The following NELL2 variants were observed in gnomAD, a reference collection of about 807,000 sequenced individuals.
NELL2 encodes neural EGFL like 2, also known as protein kinase C-binding protein NELL2.
In NELL2, 41 loss-of-function variants were observed where a neutral mutation model predicts 109.6. The observed-to-expected ratio is 0.37, with a 90% CI of 0.29 to 0.49. NELL2 has a LOEUF of 0.49. NELL2 is among the 20% of genes least tolerant of loss of function. The pLI is 0.98. For missense variants in NELL2, 900 were observed against 1,008.3 expected (o/e 0.89, Z 1.45); for synonymous variants, 355 against 344.7 (o/e 1.03, Z -0.33).
intron 13 of NELL2, among the ~76,000 whole-genome samples, chr12:44,648,731 A>ATATTTT (rs1438490674): frequency 1.1e-5 from 1 of 89,700 alleles, no homozygotes; most frequent in Non-Finnish European, 2.0e-5. Flanking sequence ...ATATATATAT[A>ATATTTT]TTTTTTTTTT....
chr12:44,620,681 C>T (rs1017279878), intron 13 of NELL2, among the ~76,000 whole-genome samples: 5 of 152,226 alleles, frequency 3.3e-5, no homozygotes, highest in Middle Eastern at 3.4e-3. Context: ...TCCTCCCTCC[C>T]TTCTTCTCAC....
At chr12:44,811,637 C>A (rs1943183756) in intron 3 of NELL2, among the ~76,000 whole-genome samples, 1 of 152,054 alleles carries the variant, frequency 6.6e-6, no homozygotes. Flanking sequence ...ACCATTCCCA[C>A]AGTCTCCATC....
rs561534820 is a variant in NELL2 at position 44,618,550 on chromosome 12, G to A, written c.1445-7580C>T. ...GTGTTTCATCAAATAAGCTTTGTCCGAACTCATTATAGGGCAATAAAAATC... is the reference window on the plus strand; with the variant it reads ...GTGTTTCATCAAATAAGCTTTGTCCAAACTCATTATAGGGCAATAAAAATC... On this transcript the variant is annotated intron_variant, in intron 13 of 19. Transcript: ENST00000429094. Among the ~76,000 whole-genome samples, 25 of 152,152 alleles carry A rather than the reference G, an allele frequency of 1.6e-4. No homozygotes were observed. The East Asian group carries it at 2.3e-3, about 14-fold the overall frequency.
Position 44,656,534 on chromosome 12 carries a change from A to T in NELL2, c.1444+8950T>A, listed in dbSNP as rs148111687. On this transcript the variant is annotated intron_variant, in intron 13 of 19. Transcript: ENST00000429094. ...TAACCATAAGAGTCACAATAAAAAC[A>T]GCTAGTGTTCATTAAACATTTCTTT... Among the ~76,000 whole-genome samples the T allele has an allele frequency of 3.9e-5, 6 of 152,368 alleles. No homozygotes were observed. The East Asian group carries it at 9.6e-4, about 24-fold the overall frequency.
chr12:44,596,962 C>T lies in NELL2; in HGVS notation c.1663+10207G>A, dbSNP rs577330768. On this transcript the variant is annotated intron_variant, in intron 15 of 19. Coordinates refer to ENST00000429094, the MANE Select transcript of NELL2 (RefSeq NM_001145108.2). ...TTGAAGCAGCTACTGTTCCAAACAA[C>T]TATAGCAAGAAGAATTTTAGATAAT... Among the ~76,000 whole-genome samples the T allele has an allele frequency of 5.3e-5, 8 of 152,288 alleles. No homozygotes were observed. The South Asian group carries it at 1.7e-3, about 32-fold the overall frequency.
chr12:44,719,471 T>C (rs965405917), intron 9 of NELL2, among the ~76,000 whole-genome samples: 2 of 152,164 alleles, frequency 1.3e-5, no homozygotes, highest in Admixed American at 6.5e-5. Context: ...TCACTACATA[T>C]CTAGCTTTTT....
intron 3 of NELL2, among the ~76,000 whole-genome samples, chr12:44,786,807 A>G (rs1462806876): frequency 6.6e-6 from 1 of 152,196 alleles, no homozygotes; most frequent in Non-Finnish European, 1.5e-5. Context: ...TGTCTCACTC[A>G]TAAGTGGGAG....
At chr12:44,741,052 T>C (rs1939931090) in intron 9 of NELL2, among the ~76,000 whole-genome samples, 2 of 152,154 alleles carry the variant, frequency 1.3e-5, no homozygotes, top group South Asian at 2.1e-4. Context: ...GGTCCCCTTA[T>C]TCATGGATTT....
rs539517723 is a variant in NELL2, at chr12:44,600,011, G to C, written c.1663+7158C>G. On this transcript the variant is annotated intron_variant, in intron 15 of 19. Transcript: ENST00000429094. Reference sequence around the variant, plus strand: ...GAGTCTCGCTCTGCCGCCCAGGCTGGAGTGCAGTGGCGCGATATCTGCTCA... The same window carrying C: ...GAGTCTCGCTCTGCCGCCCAGGCTGCAGTGCAGTGGCGCGATATCTGCTCA... Among the ~76,000 whole-genome samples the C allele has an allele frequency of 4.8e-5, 7 of 146,794 alleles. No homozygotes were observed. In the East Asian group the frequency reaches 1.4e-3, roughly 30 times the overall value.
intron 9 of NELL2, among the ~76,000 whole-genome samples, chr12:44,742,763 A>C (rs1940066193): frequency 6.6e-6 from 1 of 152,218 alleles, no homozygotes; most frequent in Non-Finnish European, 1.5e-5. Flanking sequence ...AAAAGAATAA[A>C]AAGAAATGAA....
intron 15 of NELL2, among the ~76,000 whole-genome samples, chr12:44,591,104 T>C (rs1379469664): frequency 2.0e-5 from 3 of 152,022 alleles, no homozygotes; most frequent in African/African-American, 4.8e-5. Flanking sequence ...AGAATGGCTA[T>C]TATCAAAAAG....
chr12:44,710,026 G>A (rs1434473472), intron 11 of NELL2, among the ~76,000 whole-genome samples: 2 of 152,142 alleles, frequency 1.3e-5, no homozygotes, highest in Non-Finnish European at 2.9e-5. Flanking sequence ...AAAGCTCCTC[G>A]AAAGGCAGAC....
At chr12:44,749,263 T>C (rs1283842414) in intron 9 of NELL2, among the ~76,000 whole-genome samples, 1 of 152,196 alleles carries the variant, frequency 6.6e-6, no homozygotes, top group Non-Finnish European at 1.5e-5. Flanking sequence ...GGTGAGAAGA[T>C]AAATAATGCA....
intron 2 of NELL2, among the ~76,000 whole-genome samples, chr12:44,841,232 T>C (rs1157029325): frequency 6.6e-6 from 1 of 152,204 alleles, no homozygotes; most frequent in Non-Finnish European, 1.5e-5. Flanking sequence ...CAGAAGCAAT[T>C]GAGCTTCTTT....
chr12:44,809,723 G>A (rs529854327), intron 3 of NELL2, among the ~76,000 whole-genome samples: 10 of 152,182 alleles, frequency 6.6e-5, no homozygotes, highest in African/African-American at 2.4e-4. Flanking sequence ...TTGGTTTGAA[G>A]CTATGTTTCA....
upstream of NELL2, among the ~76,000 whole-genome samples, chr12:44,914,912 T>G (rs77734686): frequency 6.6e-6 from 1 of 151,952 alleles, no homozygotes; most frequent in Non-Finnish European, 1.5e-5. Flanking sequence ...TGCAGTGGCG[T>G]GATCTCGGCT....
At chr12:44,647,430 A>T (rs1234880396) in intron 13 of NELL2, among the ~76,000 whole-genome samples, 1 of 152,210 alleles carries the variant, frequency 6.6e-6, no homozygotes, top group Non-Finnish European at 1.5e-5. Flanking sequence ...CATCTATGCA[A>T]CAGGGATATC....
chr12:44,777,465 A>T, intron 5 of NELL2, 151 bp from the exon 6 acceptor site: 1 of 634,356 alleles, frequency 1.6e-6, no homozygotes, highest in South Asian at 1.9e-5. Context: ...TCCACTTCAT[A>T]CCAAAGGGAA....
chr12:44,730,931 C>T (rs1274755757), intron 9 of NELL2, among the ~76,000 whole-genome samples: 1 of 151,934 alleles, frequency 6.6e-6, no homozygotes, highest in Non-Finnish European at 1.5e-5. Context: ...ATCAGAAATA[C>T]ACAGGAAATG....
Sources: gnomAD v4.1 joint callset for allele counts (sites outside exome capture counted in the v4.1 genomes callset) on GRCh38, gnomAD v4.1.1 for gene constraint, MANE v1.5 for transcripts, NCBI Gene and HGNC (gene_info 2026-07-23, HGNC 2026-07-21) for gene names.